The following NGF variants were observed in gnomAD, a reference collection of about 807,000 sequenced individuals.
The protein encoded by NGF is beta-nerve growth factor.
NGF carries 4 observed loss-of-function variants against 12.8 expected under a neutral mutation model. The ratio of observed to expected loss-of-function variants is 0.31; its 90% CI spans 0.15 to 0.72. The LOEUF is 0.72. Among genes scored for constraint, NGF ranks in the 30% least tolerant of loss-of-function variants. NGF has a pLI of 0.69. For missense variants in NGF, 283 were observed against 330.8 expected (o/e 0.86, Z 1.12); for synonymous variants, 140 against 130.0 (o/e 1.08, Z -0.52).
chr1:115,311,565 C>T (rs905004090), intron 1 of NGF, among the ~76,000 whole-genome samples: 1 of 152,178 alleles, frequency 6.6e-6, no homozygotes, highest in East Asian at 1.9e-4. Context: ...TGCACACTTG[C>T]TATAATGCAC....
intron 1 of NGF, among the ~76,000 whole-genome samples, chr1:115,296,722 A>C (rs908221619): frequency 1.3e-5 from 2 of 152,246 alleles, no homozygotes; most frequent in African/African-American, 4.8e-5. Flanking sequence ...TTCTCTGTCC[A>C]CAATAATGAA....
intron 1 of NGF, among the ~76,000 whole-genome samples, chr1:115,319,560 C>A (rs1654560747): frequency 6.6e-6 from 1 of 152,148 alleles, no homozygotes; most frequent in African/African-American, 2.4e-5. Flanking sequence ...TTTCTTTTGG[C>A]AAATTTCTTT....
At chr1:115,330,876 C>A (rs962809231) in intron 1 of NGF, among the ~76,000 whole-genome samples, 1 of 152,152 alleles carries the variant, frequency 6.6e-6, no homozygotes, top group African/African-American at 2.4e-5. Context: ...GAGTACTTCT[C>A]CTTACTGAGT....
intron 1 of NGF, among the ~76,000 whole-genome samples, chr1:115,298,124 CCT>C (rs561474210): frequency 9.9e-5 from 15 of 152,244 alleles, no homozygotes; most frequent in African/African-American, 3.4e-4. Flanking sequence ...GAATGTTGTC[CCT>C]GTCTCTCCTG....
intron 1 of NGF, among the ~76,000 whole-genome samples, chr1:115,328,026 T>C (rs1040209589): frequency 2.6e-5 from 4 of 152,170 alleles, no homozygotes; most frequent in African/African-American, 4.8e-5. Flanking sequence ...CAACCTCAAA[T>C]AGAGATATCT....
intron 1 of NGF, among the ~76,000 whole-genome samples, chr1:115,330,723 G>C (rs1044443229): frequency 5.1e-4 from 48 of 94,484 alleles, no homozygotes; most frequent in African/African-American, 1.2e-3. Context: ...CTGTGGACTC[G>C]GTGACTTCAC....
intron 1 of NGF, among the ~76,000 whole-genome samples, chr1:115,325,186 G>A (rs1654739799): frequency 2.0e-5 from 3 of 152,032 alleles, no homozygotes; most frequent in Admixed American, 6.6e-5. Flanking sequence ...CAGTGAGTGC[G>A]AAGGCCCCAG....
At chr1:115,319,334 T>G (rs1473181816) in intron 1 of NGF, among the ~76,000 whole-genome samples, 1 of 152,132 alleles carries the variant, frequency 6.6e-6, no homozygotes, top group Admixed American at 6.5e-5. Context: ...GCTCTCCACA[T>G]TCTGTATGCA....
At chr1:115,336,815 T>C (rs568266638) in intron 1 of NGF, among the ~76,000 whole-genome samples, 47 of 152,324 alleles carry the variant, frequency 3.1e-4, no homozygotes, top group African/African-American at 1.1e-3. Flanking sequence ...GAGAAGTTAC[T>C]GATGGGGTCT....
intron 1 of NGF, among the ~76,000 whole-genome samples, chr1:115,337,261 GTTTTTGTTTT>G (rs1655140281): frequency 8.5e-4 from 10 of 11,762 alleles, no homozygotes; most frequent in African/African-American, 2.3e-3. Flanking sequence ...TTTTTGTTTT[GTTTTTGTTTT>G]TTTTTTTTTT....
At position 115,286,634 on chromosome 1, in the gene NGF, G is replaced by A. The variant is rs1653517010; in HGVS notation, c.162C>T (p.Ala54=). 1 of 1,614,116 alleles carries A rather than the reference G, an allele frequency of 6.2e-7. No individual in the cohort carries two copies. Among genetic ancestry groups the A allele is most frequent in the Non-Finnish European group, 8.5e-7 (1 of 1,180,056 alleles). Residue 54 remains alanine, a synonymous_variant, in exon 3 of 3, where the codon GCC becomes GCT. Coordinates refer to ENST00000369512, the MANE Select transcript of NGF (RefSeq NM_002506.3). ...LDTALRRARS[A]PAAAIAARVA... is the part of the protein sequence containing the mutation. ...CGCGTGCAGCTATCGCCGCTGCCGG[G>A]GCGCTGCGGGCTCTGCGAAGGGCAG...
intron 1 of NGF, among the ~76,000 whole-genome samples, chr1:115,333,584 T>C (rs895088615): frequency 3.9e-5 from 6 of 151,946 alleles, no homozygotes; most frequent in Non-Finnish European, 7.4e-5. Flanking sequence ...TTGTTGCTAG[T>C]TCCACCTGAC....
intron 1 of NGF, among the ~76,000 whole-genome samples, chr1:115,333,651 CTTTCTCTTTCTTTCTT>C (rs1654988817): frequency 6.7e-6 from 1 of 148,780 alleles, no homozygotes; most frequent in Non-Finnish European, 1.5e-5. Flanking sequence ...GACTTTCTTT[CTTTCTCTTTCTTTCTT>C]TCTTTCTTTC....
intron 2 of NGF, among the ~76,000 whole-genome samples, chr1:115,290,769 A>C (rs949126148): frequency 7.2e-5 from 11 of 152,212 alleles, no homozygotes; most frequent in Non-Finnish European, 1.3e-4. Flanking sequence ...TCTAGAGGAC[A>C]AACTCCCTGT....
In NGF at chr1:115,334,267, A is replaced by G. The variant is rs570848353; in HGVS notation, c.-137+3937T>C. Among the ~76,000 whole-genome samples, 88 of 152,304 alleles carry G rather than the reference A, an allele frequency of 5.8e-4. 1 individual carries two copies. Among genetic ancestry groups the G allele is most frequent in the African/African-American group, 2.1e-3 (86 of 41,552 alleles). On this transcript the variant is annotated intron_variant, in intron 1 of 2. Transcript: ENST00000369512. ...GGTCAGTGTTGGGGGCTTCTGCTTC[A>G]GGGAAGGAACCTCCTGATGCCAGAG...
chr1:115,315,595 A>G (rs1424923077), intron 1 of NGF, among the ~76,000 whole-genome samples: 2 of 152,176 alleles, frequency 1.3e-5, no homozygotes, highest in Non-Finnish European at 2.9e-5. Context: ...AAAGTGTCAA[A>G]TTTGAGATAC....
At chr1:115,329,918 T>C (rs1390476025) in intron 1 of NGF, among the ~76,000 whole-genome samples, 1 of 152,034 alleles carries the variant, frequency 6.6e-6, no homozygotes, top group Non-Finnish European at 1.5e-5. Flanking sequence ...GCCTGGCTAA[T>C]TTTTTTATTT....
At chr1:115,300,663 C>T (rs1654007753) in intron 1 of NGF, among the ~76,000 whole-genome samples, 1 of 152,216 alleles carries the variant, frequency 6.6e-6, no homozygotes, top group Admixed American at 6.5e-5. Flanking sequence ...CTGCTGACTT[C>T]ACACCCAGAA....
At chr1:115,300,144 G>A (rs1424583903) in intron 1 of NGF, among the ~76,000 whole-genome samples, 1 of 152,142 alleles carries the variant, frequency 6.6e-6, no homozygotes, top group African/African-American at 2.4e-5. Flanking sequence ...TCAGTGTGTG[G>A]TATGTTTTCT....
Sources: allele counts gnomAD v4.1 joint callset (sites outside exome capture counted in the v4.1 genomes callset), GRCh38; gene constraint gnomAD v4.1.1; transcripts MANE v1.5; gene names NCBI Gene and HGNC (gene_info 2026-07-23, HGNC 2026-07-21).